Variants in ART3 observed in about 807,000 individuals in gnomAD.
The protein encoded by ART3 is ADP-ribosyltransferase 3 (inactive).
ART3 carries 49 observed loss-of-function variants against 48.5 expected under a neutral mutation model. The ratio of observed to expected loss-of-function variants is 1.01; its 90% CI spans 0.80 to 1.28. The LOEUF (loss-of-function observed/expected upper bound fraction) is 1.28. ART3 is among the 50% of genes most tolerant of loss of function. ART3 has a pLI of 0.00. For missense variants in ART3, 438 were observed against 454.3 expected (o/e 0.96, Z 0.33); for synonymous variants, 145 against 157.2 (o/e 0.92, Z 0.58).
intron 3 of ART3, among the ~76,000 whole-genome samples, chr4:76,091,011 A>G (rs377767034): frequency 3.9e-5 from 6 of 152,262 alleles, no homozygotes; most frequent in African/African-American, 1.4e-4. Context: ...CATACAGTAT[A>G]TTCTCTTTTT....
intron 1 of ART3, chr4:76,035,445 A>G: frequency 8.3e-7 from 1 of 1,201,550 alleles, no homozygotes; most frequent in Non-Finnish European, 1.2e-6. Context: ...TTAAGGGTAA[A>G]GATAGTAATT....
At chr4:76,074,555 C>A (rs568479455), upstream of ART3, among the ~76,000 whole-genome samples, 1 of 152,170 alleles carries the variant, frequency 6.6e-6, no homozygotes, top group Non-Finnish European at 1.5e-5. Flanking sequence ...TATGGCTTTA[C>A]AAGCCTCTTG....
rs908491286 is a variant in ART3, at chr4:76,112,639, T to G, written c.*120T>G. On this transcript the variant is annotated 3_prime_UTR_variant, in exon 12 of 12. Transcript: ENST00000355810. ...CCAAAGTCACTGGATAAAATGAGAA[T>G]TGTATATTTGTTATTCATTTTGCAA... The G allele has an allele frequency of 3.4e-6, 4 of 1,177,312 alleles. No homozygotes were observed. The African/African-American group carries it at 6.3e-5, about 18-fold the overall frequency. 72.9% of individuals were successfully genotyped at this position (1,177,312 alleles called of 1,614,324 possible).
chr4:76,051,617 G>C (rs577548880), intron 1 of ART3, among the ~76,000 whole-genome samples: 8 of 151,316 alleles, frequency 5.3e-5, no homozygotes, highest in African/African-American at 9.7e-5. Flanking sequence ...TCGGCTGACC[G>C]CAGTATCTGC....
chr4:76,012,200 G>A (rs1731866987), intron 1 of ART3: 1 of 152,218 alleles, frequency 6.6e-6, no homozygotes, highest in Admixed American at 6.5e-5. Flanking sequence ...GAATCGAGGT[G>A]TTCTGTTTAA....
At position 76,112,624 on chromosome 4, in the gene ART3, T is replaced by C; in HGVS notation, c.*105T>C. 7.8e-7 allele frequency: 1 copy of C among 1,277,326 alleles called. No individual in the cohort carries two copies. The highest frequency in any genetic ancestry group is 1.6e-5 in the South Asian group (1 of 60,976). The allele number at this position is 1,277,326 out of a possible 1,614,324, so 79.1% of individuals were successfully genotyped here. ...TTTTTTACGTGTTGGCCAAAGTCAC[T>C]GGATAAAATGAGAATTGTATATTTG... On this transcript the variant is annotated 3_prime_UTR_variant, in exon 12 of 12. Transcript: ENST00000355810.
chr4:76,011,583 A>G (rs937961185), intron 1 of ART3, among the ~76,000 whole-genome samples: 2 of 152,182 alleles, frequency 1.3e-5, no homozygotes, highest in African/African-American at 4.8e-5. Context: ...CCCTTCGGAT[A>G]AGAGAAAGGA....
intron 3 of ART3, among the ~76,000 whole-genome samples, chr4:76,093,456 A>G (rs1725354241): frequency 1.3e-5 from 2 of 152,220 alleles, no homozygotes; most frequent in Admixed American, 1.3e-4. Flanking sequence ...AAGAAACAGC[A>G]TGTTGAGTCC....
At chr4:76,033,733 T>C (rs1050969375) in intron 1 of ART3, 1 of 152,212 alleles carries the variant, frequency 6.6e-6, no homozygotes, top group African/African-American at 2.4e-5. Context: ...AAAATGACTT[T>C]GATTCTTTAA....
At chr4:76,104,724 G>T in intron 10 of ART3, 95 bp downstream of exon 10, 4 of 1,425,022 alleles carry the variant, frequency 2.8e-6, no homozygotes, top group Non-Finnish European at 3.9e-6. Context: ...CCTCATAATT[G>T]TCATCTATCA....
At chr4:76,068,934 C>G (rs1299715272) in intron 1 of ART3, among the ~76,000 whole-genome samples, 2 of 152,226 alleles carry the variant, frequency 1.3e-5, no homozygotes, top group East Asian at 3.8e-4. Context: ...CCTTTAGCTA[C>G]TCCAACCACT....
chr4:76,069,686 G>A (rs1156949131), intron 1 of ART3, among the ~76,000 whole-genome samples: 1 of 151,944 alleles, frequency 6.6e-6, no homozygotes, highest in Non-Finnish European at 1.5e-5. Context: ...CACTGCATCC[G>A]GCCTTAATTC....
At chr4:76,013,239 A>C (rs2149350564) in intron 1 of ART3, among the ~76,000 whole-genome samples, 1 of 152,334 alleles carries the variant, frequency 6.6e-6, no homozygotes, top group African/African-American at 2.4e-5. Context: ...TCTAAGCAAG[A>C]GGCAGGAGAA....
intron 1 of ART3, among the ~76,000 whole-genome samples, chr4:76,014,371 A>G (rs965263227): frequency 4.6e-5 from 7 of 152,212 alleles, no homozygotes; most frequent in African/African-American, 7.2e-5. Flanking sequence ...AAACAAATAG[A>G]AATGATGGAG....
intron 1 of ART3, among the ~76,000 whole-genome samples, chr4:76,065,552 A>AACACACACACACACACACACACAC (rs56794781): frequency 7.4e-4 from 108 of 145,368 alleles, no homozygotes; most frequent in African/African-American, 2.6e-3. Context: ...ATAACCCTCC[A>AACACACACACACACACACACACAC]ACACACACAC....
intron 1 of ART3, among the ~76,000 whole-genome samples, chr4:76,059,524 A>C (rs1023509270): frequency 2.2e-4 from 26 of 117,148 alleles, no homozygotes; most frequent in African/African-American, 8.5e-4. Context: ...AAGGCTGTGA[A>C]TTGAACCTTT....
At chr4:76,057,470 G>A (rs1718802098) in intron 1 of ART3, among the ~76,000 whole-genome samples, 2 of 152,100 alleles carry the variant, frequency 1.3e-5, no homozygotes, top group South Asian at 4.1e-4. Flanking sequence ...GGAAATAAAG[G>A]TACTCTCTGT....
chr4:76,051,700 C>A (rs911089365), intron 1 of ART3, among the ~76,000 whole-genome samples: 1 of 151,874 alleles, frequency 6.6e-6, no homozygotes, highest in African/African-American at 2.4e-5. Context: ...CGTCCACAGC[C>A]AGCTAATGTT....
chr4:76,033,807 ATG>A (rs1734091768), intron 1 of ART3: 1 of 152,208 alleles, frequency 6.6e-6, no homozygotes, highest in African/African-American at 2.4e-5. Context: ...TGATTAGATT[ATG>A]TATTTTTCTA....
Sources: allele counts gnomAD v4.1 joint callset (sites outside exome capture counted in the v4.1 genomes callset), GRCh38; gene constraint gnomAD v4.1.1; transcripts MANE v1.5; gene names NCBI Gene and HGNC (gene_info 2026-07-23, HGNC 2026-07-21).